Variants in CREBBP observed in about 807,000 individuals in gnomAD.
CREBBP encodes the protein CREB binding lysine acetyltransferase, also known as CREB-binding protein.
Under a neutral mutation model 265.0 loss-of-function variants are expected in CREBBP, and 19 were observed. The observed-to-expected ratio is 0.07, with a 90% CI of 0.05 to 0.11. CREBBP has a LOEUF of 0.11. Ranked by LOEUF, CREBBP falls within the 10% of genes least tolerant of loss-of-function variation. The pLI is 1.00. For missense variants in CREBBP, 2,525 were observed against 3,219.0 expected (o/e 0.78, Z 5.22); for synonymous variants, 1,457 against 1,223.7 (o/e 1.19, Z -3.98).
At chr16:3,824,506 TCA>T (rs2054201596) in intron 2 of CREBBP, among the ~76,000 whole-genome samples, 1 of 152,222 alleles carries the variant, frequency 6.6e-6, no homozygotes, top group Non-Finnish European at 1.5e-5. Context: ...TGATGGTTAG[TCA>T]CAGAAGGCAA....
intron 5 of CREBBP, among the ~76,000 whole-genome samples, chr16:3,789,041 G>A (rs952934709): frequency 1.3e-5 from 2 of 152,190 alleles, no homozygotes; most frequent in Admixed American, 1.3e-4. Context: ...TCAGATTAGC[G>A]CCACAGGTGA....
intron 5 of CREBBP, among the ~76,000 whole-genome samples, chr16:3,786,807 C>G (rs1481491090): frequency 6.6e-6 from 1 of 152,166 alleles, no homozygotes; most frequent in Non-Finnish European, 1.5e-5. Flanking sequence ...TCAGGTGGCT[C>G]ACGCCTGTAA....
chr16:3,794,393 T>C (rs1405776294), intron 3 of CREBBP, among the ~76,000 whole-genome samples: 1 of 118,062 alleles, frequency 8.5e-6, no homozygotes, highest in Non-Finnish European at 1.8e-5. Flanking sequence ...CCAATTGCAA[T>C]GTACTACAAA....
rs1596792729 is a variant in CREBBP, at chr16:3,731,589, C to T, written c.4891-116G>A. ...ATAGGCAGGTGGCTGAGCCTGATGGCCCTGATGCCTTGGGATGGAACAAAA... is the reference window on the plus strand; with the variant it reads ...ATAGGCAGGTGGCTGAGCCTGATGGTCCTGATGCCTTGGGATGGAACAAAA... On this transcript the variant is annotated intron_variant, in intron 29 of 30. Coordinates refer to ENST00000262367, the MANE Select transcript of CREBBP (RefSeq NM_004380.3). This position sits in a 1 kb window ranked among gnomAD's most constrained non-coding sequence, Gnocchi z 7.7. 7.0e-7 allele frequency: 1 copy of T among 1,429,526 alleles called. No homozygotes were observed. The highest frequency in any genetic ancestry group is 9.6e-7 in the Non-Finnish European group (1 of 1,037,950). The allele number at this position is 1,429,526 out of a possible 1,614,324, so 88.6% of individuals were successfully genotyped here. A position where few individuals can be genotyped will look rare whatever the true frequency, so the allele number is the denominator to read the frequency against.
At chr16:3,870,131 A>G (rs2055263851) in intron 1 of CREBBP, among the ~76,000 whole-genome samples, 1 of 152,200 alleles carries the variant, frequency 6.6e-6, no homozygotes, top group Non-Finnish European at 1.5e-5. Context: ...ACCACGGGGT[A>G]ACTTTTACTT....
chr16:3,771,070 A>C, intron 13 of CREBBP, 84 bp from the exon 14 acceptor site: 1 of 1,553,002 alleles, frequency 6.4e-7, no homozygotes, highest in Non-Finnish European at 8.8e-7. Context: ...AATGTATGAA[A>C]AAAAAATTTT....
intron 11 of CREBBP, 48 bp downstream of exon 11, chr16:3,777,565 C>T (rs779979898): frequency 8.9e-6 from 14 of 1,576,946 alleles, no homozygotes; most frequent in Non-Finnish European, 1.1e-5. Context: ...AAAGTTATGG[C>T]TGTTGAATGT....
At chr16:3,747,230 G>C (rs1482805420) in intron 21 of CREBBP, among the ~76,000 whole-genome samples, 1 of 152,160 alleles carries the variant, frequency 6.6e-6, no homozygotes, top group African/African-American at 2.4e-5. Flanking sequence ...ATAGACCAAA[G>C]ATGACCCTCT....
At chr16:3,810,452 T>C (rs1309475818) in intron 3 of CREBBP, 151 bp downstream of exon 3, 5 of 871,970 alleles carry the variant, frequency 5.7e-6, no homozygotes, top group African/African-American at 3.3e-5. Context: ...GTTAAACTCA[T>C]TTAGAGAGCT....
rs2141232634 is a variant in CREBBP at position 3,778,024 on chromosome 16, A to G, written c.2100T>C (p.Pro700=). 6.2e-7 allele frequency: 1 copy of G among 1,614,226 alleles called. No individual in the cohort carries two copies. The part of the protein sequence containing the change: ...AQPPVIPQAQ[P]VRPPNGPLSL... ...TAAAATCCTTACTTGGAGGTCTCAC[A>G]GGTTGTGCCTGTGGAATCACAGGGG... The change falls in exon 10 of 31, where the codon CCT becomes CCC. Residue 700 remains proline (P), a synonymous_variant. Coordinates refer to ENST00000262367, the MANE Select transcript of CREBBP (RefSeq NM_004380.3).
At chr16:3,741,100 T>G (rs2052194810) in intron 23 of CREBBP, 1 of 168,244 alleles carries the variant, frequency 5.9e-6, no homozygotes, top group Admixed American at 5.5e-5. Flanking sequence ...GGTGCACGAA[T>G]GAAGTTTCCG....
intron 16 of CREBBP, among the ~76,000 whole-genome samples, chr16:3,759,588 C>CAAAAAAAAAAAA (rs879293877): frequency 1.4e-4 from 18 of 129,494 alleles, no homozygotes; most frequent in African/African-American, 6.2e-4. Context: ...ACTCTGTCTC[C>CAAAAAAAAAAAA]AAAAAAAAAA....
chr16:3,791,776 G>C (rs1317419082), intron 5 of CREBBP, among the ~76,000 whole-genome samples: 1 of 152,184 alleles, frequency 6.6e-6, no homozygotes, highest in Non-Finnish European at 1.5e-5. Flanking sequence ...GAGTGAGTCA[G>C]GGTCCAACAT....
chr16:3,841,261 T>C (rs2054561497), intron 2 of CREBBP, among the ~76,000 whole-genome samples: 1 of 151,958 alleles, frequency 6.6e-6, no homozygotes, highest in African/African-American at 2.4e-5. Context: ...CAAGAGGACA[T>C]AAGCATCCCC....
At chr16:3,763,969 C>G (rs1032010804) in intron 16 of CREBBP, among the ~76,000 whole-genome samples, 1 of 151,412 alleles carries the variant, frequency 6.6e-6, no homozygotes, top group Non-Finnish European at 1.5e-5. Context: ...CTCAGCCTTC[C>G]GAGTAGCTGG....
Position 3,727,421 on chromosome 16 carries a change from TGAC to T in CREBBP, c.*294_*296del, listed in dbSNP as rs2051772532. 2 of 341,470 alleles carry T rather than the reference TGAC, an allele frequency of 5.9e-6. No individual in the cohort carries two copies. The highest frequency in any genetic ancestry group is 2.2e-5 in the African/African-American group (1 of 45,454). 21.2% of individuals were successfully genotyped at this position (341,470 alleles called of 1,614,324 possible). On this transcript the variant is annotated 3_prime_UTR_variant, in exon 31 of 31. Transcript: ENST00000262367. Reference sequence around the variant, plus strand: ...AAAAAAAGGCATGAGTCACCAGCAATGACGACAAAAAGAATCCAAACAAAACCC... The same window carrying T: ...AAAAAAAGGCATGAGTCACCAGCAATGACAAAAAGAATCCAAACAAAACCC...
chr16:3,749,384 G>A (rs956647811), intron 21 of CREBBP, among the ~76,000 whole-genome samples: 5 of 152,170 alleles, frequency 3.3e-5, no homozygotes, highest in African/African-American at 4.8e-5. Context: ...GGTTCTCATA[G>A]AACTAAAACA....
Position 3,793,545 on chromosome 16 carries a change from G to A in CREBBP, c.1057C>T (p.Leu353=), listed in dbSNP as rs765494505. The stretch of plus-strand genomic sequence containing the variant: ...AGTAGAACCAGCTGCTGCTGTATCA[G>A]TTTGCGTTTTTCAGGATCTGCAGTG... ...GPTADPEKRK[L]IQQQLVLLLH... Residue 353 remains leucine, a synonymous_variant, in exon 4 of 31, where the codon CTG becomes TTG. Transcript: ENST00000262367. 3 of 1,614,172 alleles carry A rather than the reference G, an allele frequency of 1.9e-6. No individual in the cohort carries two copies. The South Asian group carries it at 3.3e-5, about 18-fold the overall frequency.
chr16:3,776,292 C>T (rs1325619618), intron 11 of CREBBP, among the ~76,000 whole-genome samples: 1 of 152,088 alleles, frequency 6.6e-6, no homozygotes, highest in African/African-American at 2.4e-5. Context: ...ATAATGTCAC[C>T]ACCTTGTTTC....
Sources: gnomAD v4.1 joint callset for allele counts (sites outside exome capture counted in the v4.1 genomes callset) on GRCh38, gnomAD v4.1.1 for gene constraint, Gnocchi (gnomAD v3.1) non-coding constraint, MANE v1.5 for transcripts, NCBI Gene and HGNC (gene_info 2026-07-23, HGNC 2026-07-21) for gene names.